PKP4: variants seen among roughly 807,000 people sequenced by gnomAD.
The protein encoded by PKP4 is plakophilin-4.
PKP4 carries 90 observed loss-of-function variants against 145.1 expected under a neutral mutation model. The ratio of observed to expected loss-of-function variants is 0.62; its 90% CI spans 0.52 to 0.74. The LOEUF (loss-of-function observed/expected upper bound fraction) is 0.74. PKP4 is among the 30% of genes least tolerant of loss of function. The pLI is 0.00. For missense variants in PKP4, 1,340 were observed against 1,482.7 expected (o/e 0.90, Z 1.58); for synonymous variants, 563 against 577.2 (o/e 0.98, Z 0.35).
intron 2 of PKP4, among the ~76,000 whole-genome samples, chr2:158,537,347 G>T (rs768328158): frequency 6.6e-6 from 1 of 152,114 alleles, no homozygotes; most frequent in Admixed American, 6.5e-5. Context: ...CAATTTAGTC[G>T]AAAGTTAAGT....
rs373636607 is a variant in PKP4 at position 158,591,066 on chromosome 2, T to C, written c.246-12004T>C. On this transcript the variant is annotated intron_variant, in intron 3 of 21. Coordinates refer to ENST00000389759, the MANE Select transcript of PKP4 (RefSeq NM_003628.6). Reference sequence around the variant, plus strand: ...GACAGAGGAACATGTCAGTTGATACTGTACTGATACATTCATTAGAACCAG... The same window carrying C: ...GACAGAGGAACATGTCAGTTGATACCGTACTGATACATTCATTAGAACCAG... Among the ~76,000 whole-genome samples the C allele has an allele frequency of 1.1e-3, 167 of 152,254 alleles. 3 individuals are homozygous for C. The South Asian group carries it at 0.033, about 30-fold the overall frequency.
intron 3 of PKP4, among the ~76,000 whole-genome samples, chr2:158,596,653 G>A (rs554215461): frequency 1.5e-4 from 22 of 151,448 alleles, no homozygotes; most frequent in African/African-American, 5.3e-4. Flanking sequence ...AAAGAATATT[G>A]TAATATTGTA....
chr2:158,676,935 G>T, intron 20 of PKP4, 68 bp downstream of exon 20: 1 of 1,588,802 alleles, frequency 6.3e-7, no homozygotes, highest in Non-Finnish European at 8.6e-7. Context: ...TTGGCCAGTG[G>T]CCTGGGAAGT....
chr2:158,559,244 A>G (rs1292079965), intron 2 of PKP4, among the ~76,000 whole-genome samples: 1 of 151,964 alleles, frequency 6.6e-6, no homozygotes, highest in Non-Finnish European at 1.5e-5. Flanking sequence ...AATTGGGATC[A>G]ACCCATAGCT....
At chr2:158,551,894 T>C (rs1436958758) in intron 2 of PKP4, among the ~76,000 whole-genome samples, 1 of 152,240 alleles carries the variant, frequency 6.6e-6, no homozygotes, top group Non-Finnish European at 1.5e-5. Context: ...GATAGTCTTA[T>C]TATAAATTAA....
intron 1 of PKP4, among the ~76,000 whole-genome samples, chr2:158,495,085 GC>G (rs1184375449): frequency 6.6e-6 from 1 of 151,930 alleles, no homozygotes; most frequent in Non-Finnish European, 1.5e-5. Flanking sequence ...GGGCACGGTG[GC>G]GGGCATCTGT....
chr2:158,475,069 G>A (rs1223905907), intron 1 of PKP4, among the ~76,000 whole-genome samples: 1 of 152,164 alleles, frequency 6.6e-6, no homozygotes. Context: ...TCAGCTCTCT[G>A]ATGGGTTAAA....
intron 3 of PKP4, among the ~76,000 whole-genome samples, chr2:158,577,795 G>T (rs1253031228): frequency 2.6e-5 from 4 of 151,990 alleles, no homozygotes; most frequent in African/African-American, 7.3e-5. Context: ...TTTACTTTGG[G>T]TTTTTCTAGA....
In PKP4 at chr2:158,658,289, C is replaced by T. The variant is rs777591728; in HGVS notation, c.2068C>T (p.Leu690=). ...HKIKFQTSLV[L]RNTTGCLRNL... ...AATTAAATTTCAGACTTCACTAGTT[C>T]TGCGTAACACGACAGGTTGCCTAAG... The change falls in exon 12 of 22, where the codon CTG becomes TTG. Residue 690 remains leucine, a synonymous_variant. Coordinates refer to ENST00000389759, the MANE Select transcript of PKP4 (RefSeq NM_003628.6). The T allele has an allele frequency of 1.2e-6, 2 of 1,601,308 alleles. No homozygotes were observed. The highest frequency in any genetic ancestry group is 1.7e-6 in the Non-Finnish European group (2 of 1,172,322).
chr2:158,625,525 C>A (rs952945338), intron 7 of PKP4, 98 bp downstream of exon 7: 5 of 1,014,272 alleles, frequency 4.9e-6, no homozygotes, highest in African/African-American at 1.6e-5. Context: ...AAGGCTCATT[C>A]GTGTTTTTAA....
At chr2:158,493,461 A>G (rs987737600) in intron 1 of PKP4, among the ~76,000 whole-genome samples, 2 of 151,964 alleles carry the variant, frequency 1.3e-5, no homozygotes, top group Non-Finnish European at 2.9e-5. Context: ...TCTTAGTGCC[A>G]TTTTCCATGT....
At chr2:158,558,932 C>T (rs1410512914) in intron 2 of PKP4, among the ~76,000 whole-genome samples, 1 of 152,060 alleles carries the variant, frequency 6.6e-6, no homozygotes, top group African/African-American at 2.4e-5. Flanking sequence ...CACGGTGCCT[C>T]CTGAGTGAAT....
chr2:158,662,262 A>T (rs897703302), intron 13 of PKP4: 11 of 152,294 alleles, frequency 7.2e-5, no homozygotes, highest in African/African-American at 2.7e-4. Context: ...AGATCTGCAG[A>T]TGAAATTGAG....
intron 16 of PKP4, among the ~76,000 whole-genome samples, chr2:158,667,311 G>A (rs1280492697): frequency 6.6e-6 from 1 of 152,132 alleles, no homozygotes; most frequent in African/African-American, 2.4e-5. Flanking sequence ...GCAACCTGGG[G>A]TATCCTATAT....
chr2:158,494,708 T>C (rs1695427821), intron 1 of PKP4, among the ~76,000 whole-genome samples: 1 of 152,220 alleles, frequency 6.6e-6, no homozygotes, highest in Non-Finnish European at 1.5e-5. Context: ...AGCAAATGAT[T>C]TTTTATAACC....
Position 158,606,344 on chromosome 2 carries a change from A to T in PKP4, c.280+3240A>T, listed in dbSNP as rs557359616. 7.0e-4 allele frequency among the ~76,000 whole-genome samples: 106 copies of T among 152,220 alleles called. 1 individual carries two copies. Among genetic ancestry groups the T allele is most frequent in the African/African-American group, 2.5e-3 (102 of 41,542 alleles). Reference sequence around the variant, plus strand: ...ACAGAGCGAGACTCCTTCTCAAAAAAAAAAATAATAATAAAATAACAGTTC... The same window carrying T: ...ACAGAGCGAGACTCCTTCTCAAAAATAAAAATAATAATAAAATAACAGTTC... On this transcript the variant is annotated intron_variant, in intron 4 of 21. Transcript: ENST00000389759.
chr2:158,629,275 C>T (rs2053122999), intron 7 of PKP4, among the ~76,000 whole-genome samples: 1 of 152,146 alleles, frequency 6.6e-6, no homozygotes, highest in Non-Finnish European at 1.5e-5. Flanking sequence ...GACTTTTCCT[C>T]ACCATGTGCC....
At chr2:158,495,350 TAA>T (rs60436493) in intron 1 of PKP4, among the ~76,000 whole-genome samples, 246 of 139,378 alleles carry the variant, frequency 1.8e-3, no homozygotes, top group Non-Finnish European at 1.9e-3. Context: ...TCTGGAGAGT[TAA>T]AAAAAAAAAA....
chr2:158,678,185 A>T (rs967740750), intron 20 of PKP4, among the ~76,000 whole-genome samples: 11 of 152,098 alleles, frequency 7.2e-5, no homozygotes, highest in South Asian at 2.1e-4. Flanking sequence ...CTCCTCTCTG[A>T]CCCACTGCCG....
Sources: gnomAD v4.1 joint callset for allele counts (sites outside exome capture counted in the v4.1 genomes callset) on GRCh38, gnomAD v4.1.1 for gene constraint, MANE v1.5 for transcripts, NCBI Gene and HGNC (gene_info 2026-07-23, HGNC 2026-07-21) for gene names.